The following EXOC4 variants were observed in gnomAD, a reference collection of about 807,000 sequenced individuals.
The protein encoded by EXOC4 is exocyst complex component 4, also known as SEC8-like 1.
A neutral mutation model predicts 107.2 loss-of-function variants in EXOC4; 71 were observed. That is an observed-to-expected ratio of 0.66 (90% CI 0.55 to 0.81). EXOC4 has a LOEUF of 0.81. EXOC4 is among the 30% of genes least tolerant of loss of function. EXOC4 has a pLI of 0.00. For synonymous variants in EXOC4, 456 were observed against 441.2 expected, an observed-to-expected ratio of 1.03 and a Z score of -0.42; for missense variants, 1,108 against 1,189.6, an observed-to-expected ratio of 0.93 and a Z score of 1.01.
At position 133,354,730 on chromosome 7, in the gene EXOC4, C is replaced by T. The variant is rs139591350; in HGVS notation, c.764-1600C>T. Among the ~76,000 whole-genome samples, 7 of 152,200 alleles carry T rather than the reference C, an allele frequency of 4.6e-5. No individual in the cohort carries two copies. The East Asian group carries it at 1.4e-3, about 29-fold the overall frequency. On this transcript the variant is annotated intron_variant, in intron 5 of 17. Coordinates refer to ENST00000253861, the MANE Select transcript of EXOC4 (RefSeq NM_021807.4). ...GGTTCTTTTTGCCCACCCTGTCTTC[C>T]CACCAGGTGTGTGCAAGGTACTCCA...
At chr7:134,025,287 T>A (rs1245205336) in intron 17 of EXOC4, among the ~76,000 whole-genome samples, 1 of 152,316 alleles carries the variant, frequency 6.6e-6, no homozygotes, top group East Asian at 1.9e-4. Context: ...GTCAATTATA[T>A]AACAAACTTA....
At chr7:133,801,325 T>C (rs996379107) in intron 10 of EXOC4, among the ~76,000 whole-genome samples, 10 of 152,238 alleles carry the variant, frequency 6.6e-5, no homozygotes, top group African/African-American at 2.4e-4. Context: ...TTTAAATGAA[T>C]GCAAATAAGA....
At chr7:134,033,316 G>A (rs184705204) in intron 17 of EXOC4, among the ~76,000 whole-genome samples, 329 of 152,288 alleles carry the variant, frequency 2.2e-3, no homozygotes, top group Non-Finnish European at 2.2e-3. Context: ...AGTTGTTCTT[G>A]AAAGAGCCAT....
intron 2 of EXOC4, among the ~76,000 whole-genome samples, chr7:133,276,440 A>G (rs1238060779): frequency 1.3e-5 from 2 of 152,206 alleles, no homozygotes; most frequent in Non-Finnish European, 2.9e-5. Flanking sequence ...AGGGATGATT[A>G]TGTCCAATCA....
chr7:133,678,208 A>G (rs1036622837), intron 10 of EXOC4, among the ~76,000 whole-genome samples: 1 of 152,234 alleles, frequency 6.6e-6, no homozygotes, highest in Non-Finnish European at 1.5e-5. Context: ...TTGCAGCACC[A>G]TAGATTGACT....
At chr7:133,498,471 G>A (rs1418210270) in intron 9 of EXOC4, among the ~76,000 whole-genome samples, 2 of 152,150 alleles carry the variant, frequency 1.3e-5, no homozygotes, top group African/African-American at 4.8e-5. Flanking sequence ...TGTAGTCCCA[G>A]CTACTCGGGA....
chr7:134,030,395 C>T (rs184653057), intron 17 of EXOC4, among the ~76,000 whole-genome samples: 20 of 152,252 alleles, frequency 1.3e-4, no homozygotes, highest in East Asian at 3.9e-4. Flanking sequence ...TATTATGTGG[C>T]CATAGTGGAC....
chr7:133,821,586 A>G (rs1432348789), intron 11 of EXOC4, among the ~76,000 whole-genome samples: 1 of 152,106 alleles, frequency 6.6e-6, no homozygotes, highest in Non-Finnish European at 1.5e-5. Context: ...TTTTCTAGCA[A>G]TTCATTTTTA....
At chr7:133,954,134 G>C (rs1800759361) in intron 14 of EXOC4, among the ~76,000 whole-genome samples, 1 of 152,170 alleles carries the variant, frequency 6.6e-6, no homozygotes, top group South Asian at 2.1e-4. Context: ...GACTTAAAAG[G>C]GAAACTGTGG....
At chr7:133,673,994 A>G (rs187562279) in intron 10 of EXOC4, among the ~76,000 whole-genome samples, 4 of 152,296 alleles carry the variant, frequency 2.6e-5, no homozygotes, top group African/African-American at 9.6e-5. Flanking sequence ...ATGGTGCCCT[A>G]TTCTTAAGAC....
chr7:133,979,649 A>G lies in EXOC4; in HGVS notation c.2207-17843A>G, dbSNP rs565690571. Among the ~76,000 whole-genome samples the G allele has an allele frequency of 4.6e-5, 7 of 152,062 alleles. No homozygotes were observed. The South Asian group carries it at 1.0e-3, about 23-fold the overall frequency. On this transcript the variant is annotated intron_variant, in intron 14 of 17. Coordinates refer to ENST00000253861, the MANE Select transcript of EXOC4 (RefSeq NM_021807.4). Reference sequence around the variant, plus strand: ...AAAAATACAAAAAAATTAGCCGGGCATGGTGGCGGGCGCCTGTAGTCCCAG... The same window carrying G: ...AAAAATACAAAAAAATTAGCCGGGCGTGGTGGCGGGCGCCTGTAGTCCCAG...
intron 9 of EXOC4, among the ~76,000 whole-genome samples, chr7:133,511,297 C>A (rs999936319): frequency 1.3e-5 from 2 of 152,018 alleles, no homozygotes; most frequent in Admixed American, 1.3e-4. Flanking sequence ...ACAAAGGGTA[C>A]TAAATTGTTG....
At chr7:133,607,657 G>T (rs567239690) in intron 9 of EXOC4, among the ~76,000 whole-genome samples, 1 of 152,302 alleles carries the variant, frequency 6.6e-6, no homozygotes, top group South Asian at 2.1e-4. Context: ...CAAGCATTCT[G>T]TGATCATTCT....
intron 9 of EXOC4, among the ~76,000 whole-genome samples, chr7:133,592,916 T>G (rs1355639496): frequency 2.0e-5 from 3 of 152,148 alleles, no homozygotes; most frequent in Non-Finnish European, 4.4e-5. Context: ...CCAGCTACTT[T>G]TTGTATTTTT....
chr7:133,717,440 C>T (rs1270350913), intron 10 of EXOC4, among the ~76,000 whole-genome samples: 2 of 152,174 alleles, frequency 1.3e-5, no homozygotes, highest in Non-Finnish European at 2.9e-5. Flanking sequence ...CACATGCTTG[C>T]CGCCCCCCAA....
chr7:133,480,458 C>A, intron 9 of EXOC4: 1 of 1,117,366 alleles, frequency 8.9e-7, no homozygotes, highest in South Asian at 2.7e-5. Flanking sequence ...GCGACTGCCA[C>A]TGTTACTTCT....
chr7:133,439,762 A>G (rs988418559), intron 7 of EXOC4, among the ~76,000 whole-genome samples: 3 of 152,130 alleles, frequency 2.0e-5, no homozygotes, highest in Non-Finnish European at 4.4e-5. Flanking sequence ...CAAAAGAAGC[A>G]AAGATGTAGG....
At chr7:133,604,359 A>G (rs1466118320) in intron 9 of EXOC4, among the ~76,000 whole-genome samples, 1 of 152,194 alleles carries the variant, frequency 6.6e-6, no homozygotes, top group African/African-American at 2.4e-5. Context: ...AATGTTTGTA[A>G]TTGTATGTGC....
chr7:133,435,658 A>G (rs1394764681), intron 7 of EXOC4, among the ~76,000 whole-genome samples: 4 of 152,182 alleles, frequency 2.6e-5, no homozygotes, highest in African/African-American at 9.7e-5. Context: ...TCTGTTAACA[A>G]TGGCAGTCAA....
Sources: gnomAD v4.1 joint callset for allele counts (sites outside exome capture counted in the v4.1 genomes callset) on GRCh38, gnomAD v4.1.1 for gene constraint, MANE v1.5 for transcripts, NCBI Gene and HGNC (gene_info 2026-07-23, HGNC 2026-07-21) for gene names.